The following STK3 variants were observed in gnomAD, a reference collection of about 807,000 sequenced individuals.
STK3 encodes serine/threonine kinase 3.
In STK3, 41 loss-of-function variants were observed where a neutral mutation model predicts 58.0. The ratio of observed to expected loss-of-function variants is 0.71; its 90% CI spans 0.55 to 0.92. The LOEUF (loss-of-function observed/expected upper bound fraction) is 0.92. Ranked by LOEUF, STK3 falls within the 40% of genes least tolerant of loss-of-function variation. STK3 has a pLI of 0.00. For synonymous variants in STK3, 170 were observed against 191.0 expected, an observed-to-expected ratio of 0.89 and a Z score of 0.91; for missense variants, 479 against 602.7, an observed-to-expected ratio of 0.79 and a Z score of 2.15.
intron 3 of STK3, among the ~76,000 whole-genome samples, chr8:98,848,164 T>C (rs751549843): frequency 7.2e-5 from 11 of 152,158 alleles, no homozygotes. Flanking sequence ...TTTTAGAACA[T>C]TTTTATCACT....
intron 6 of STK3, among the ~76,000 whole-genome samples, chr8:98,596,699 A>G (rs1459215556): frequency 6.6e-6 from 1 of 152,132 alleles, no homozygotes; most frequent in Non-Finnish European, 1.5e-5. Flanking sequence ...TTTCAAAGGT[A>G]ATATACTACT....
intron 6 of STK3, among the ~76,000 whole-genome samples, chr8:98,659,927 C>A (rs1231404971): frequency 6.6e-6 from 1 of 151,474 alleles, no homozygotes; most frequent in Non-Finnish European, 1.5e-5. Flanking sequence ...ACAAACCAGG[C>A]AAATGGTTTA....
chr8:98,670,078 T>C (rs1477877797), intron 6 of STK3, among the ~76,000 whole-genome samples: 3 of 152,038 alleles, frequency 2.0e-5, no homozygotes, highest in Non-Finnish European at 4.4e-5. Context: ...TATATAAAAA[T>C]GAATAGAGGC....
chr8:98,488,646 C>G (rs1333123786), intron 10 of STK3, among the ~76,000 whole-genome samples: 1 of 152,134 alleles, frequency 6.6e-6, no homozygotes, highest in African/African-American at 2.4e-5. Flanking sequence ...GAACTACTGA[C>G]AGAAATTTAG....
intron 6 of STK3, among the ~76,000 whole-genome samples, chr8:98,697,390 C>T (rs1167989271): frequency 6.6e-6 from 1 of 152,036 alleles, no homozygotes; most frequent in Non-Finnish European, 1.5e-5. Flanking sequence ...TACTTCTTGC[C>T]TTCTGCTAGC....
intron 1 of STK3, among the ~76,000 whole-genome samples, chr8:98,808,371 G>A (rs543652644): frequency 4.6e-5 from 7 of 152,112 alleles, no homozygotes; most frequent in Middle Eastern, 3.2e-3. Flanking sequence ...AAAATGAAGG[G>A]ACTATATTTG....
intron 7 of STK3, among the ~76,000 whole-genome samples, chr8:98,587,446 C>T (rs900780200): frequency 7.9e-5 from 12 of 152,144 alleles, no homozygotes; most frequent in African/African-American, 2.7e-4. Flanking sequence ...AGTTTGATTG[C>T]ATTGTGGTCT....
At chr8:98,832,327 A>G (rs1835566423) in intron 3 of STK3, among the ~76,000 whole-genome samples, 1 of 151,570 alleles carries the variant, frequency 6.6e-6, no homozygotes, top group African/African-American at 2.4e-5. Context: ...ATAAGCAAAC[A>G]TGCATATTAT....
At chr8:98,818,320 C>A (rs890719248) in intron 1 of STK3, among the ~76,000 whole-genome samples, 1 of 152,138 alleles carries the variant, frequency 6.6e-6, no homozygotes, top group Non-Finnish European at 1.5e-5. Flanking sequence ...CAATGAGCAT[C>A]TGGAATGTGG....
upstream of STK3, among the ~76,000 whole-genome samples, chr8:98,829,328 C>G (rs1835441396): frequency 6.6e-6 from 1 of 152,300 alleles, no homozygotes; most frequent in East Asian, 1.9e-4. Flanking sequence ...CAATCCTCAA[C>G]TGATGCTTTG....
At chr8:98,658,064 A>ACCTTAAAC (rs1453410856) in intron 6 of STK3, among the ~76,000 whole-genome samples, 2 of 152,126 alleles carry the variant, frequency 1.3e-5, no homozygotes, top group African/African-American at 4.8e-5. Context: ...ATCACTGTAT[A>ACCTTAAAC]CCTTAAACAT....
At chr8:98,826,157 C>T (rs1835292474), upstream of STK3, among the ~76,000 whole-genome samples, 1 of 152,212 alleles carries the variant, frequency 6.6e-6, no homozygotes, top group Non-Finnish European at 1.5e-5. Flanking sequence ...CCTGCCCTCA[C>T]TACGGTTTGC....
chr8:98,872,596 A>G (rs1457148323), intron 3 of STK3, among the ~76,000 whole-genome samples: 2 of 152,020 alleles, frequency 1.3e-5, no homozygotes, highest in African/African-American at 4.8e-5. Flanking sequence ...GAATTTATCC[A>G]TTTCTTCTAG....
intron 7 of STK3, among the ~76,000 whole-genome samples, chr8:98,593,441 A>G (rs779832807): frequency 1.1e-4 from 17 of 152,218 alleles, no homozygotes; most frequent in Non-Finnish European, 1.9e-4. Flanking sequence ...GAGTTAAACT[A>G]TGATTTAAAT....
At chr8:98,934,872 G>A (rs148562468) in intron 1 of STK3, among the ~76,000 whole-genome samples, 2,305 of 150,954 alleles carry the variant, frequency 0.015, 32 homozygotes, top group Middle Eastern at 0.041. Flanking sequence ...AGCTGAGATT[G>A]TGCCACTGCA....
chr8:98,814,651 C>T (rs1477110027), intron 1 of STK3, among the ~76,000 whole-genome samples: 2 of 152,078 alleles, frequency 1.3e-5, no homozygotes, highest in South Asian at 2.1e-4. Flanking sequence ...GGACTACAAG[C>T]GTGAAACACC....
intron 3 of STK3, among the ~76,000 whole-genome samples, chr8:98,409,962 C>T (rs535963253): frequency 1.4e-4 from 22 of 152,314 alleles, no homozygotes; most frequent in Non-Finnish European, 2.5e-4. Context: ...GTCCAACAAT[C>T]AAGTTTTGTT....
chr8:98,596,352 C>T (rs1345444962), intron 6 of STK3, 183 bp from the exon 7 acceptor site: 6 of 573,730 alleles, frequency 1.0e-5, no homozygotes, highest in African/African-American at 1.9e-5. Context: ...TAATCATTTC[C>T]CATTAAATTT....
intron 10 of STK3, among the ~76,000 whole-genome samples, chr8:98,505,664 C>T (rs1442608360): frequency 6.6e-6 from 1 of 152,204 alleles, no homozygotes; most frequent in Non-Finnish European, 1.5e-5. Context: ...AGCTGCAGGT[C>T]TGTTGGAGTC....
Sources: allele counts gnomAD v4.1 joint callset (sites outside exome capture counted in the v4.1 genomes callset), GRCh38; gene constraint gnomAD v4.1.1; transcripts MANE v1.5; gene names NCBI Gene and HGNC (gene_info 2026-07-23, HGNC 2026-07-21).